TANC2: variants seen among roughly 807,000 people sequenced by gnomAD.
TANC2 encodes the protein protein TANC2.
TANC2 carries 26 observed loss-of-function variants against 210.5 expected under a neutral mutation model. The ratio of observed to expected loss-of-function variants is 0.12; its 90% CI spans 0.09 to 0.17. The LOEUF (loss-of-function observed/expected upper bound fraction) is 0.17. TANC2 is among the 10% of genes least tolerant of loss of function. TANC2 has a pLI of 1.00. For synonymous variants in TANC2, 931 were observed against 967.1 expected (o/e 0.96, Z 0.69); for missense variants, 2,129 against 2,608.9 (o/e 0.82, Z 4.01).
intron 9 of TANC2, among the ~76,000 whole-genome samples, chr17:63,272,400 A>G (rs1346078425): frequency 6.6e-6 from 1 of 151,944 alleles, no homozygotes; most frequent in African/African-American, 2.4e-5. Flanking sequence ...TGCTTCCAGC[A>G]TTGTTCTTTT....
chr17:63,247,821 G>A (rs1016382091), intron 8 of TANC2, among the ~76,000 whole-genome samples: 1 of 152,018 alleles, frequency 6.6e-6, no homozygotes, highest in Admixed American at 6.6e-5. Flanking sequence ...TGTCAGTGTT[G>A]AACATAATAC....
chr17:63,169,668 G>A (rs2040332352), intron 5 of TANC2, among the ~76,000 whole-genome samples: 1 of 152,064 alleles, frequency 6.6e-6, no homozygotes, highest in East Asian at 1.9e-4. Context: ...ACAAAAATTA[G>A]TTGGGTGTGG....
intron 8 of TANC2, among the ~76,000 whole-genome samples, chr17:63,242,991 C>T (rs2042816473): frequency 6.6e-6 from 1 of 152,124 alleles, no homozygotes; most frequent in East Asian, 1.9e-4. Flanking sequence ...TACAGGTGCC[C>T]TGTGGGAATT....
intron 9 of TANC2, among the ~76,000 whole-genome samples, chr17:63,283,928 AATAAAG>A (rs979797659): frequency 9.9e-5 from 15 of 152,056 alleles, no homozygotes; most frequent in African/African-American, 3.4e-4. Flanking sequence ...GTTGTCTGTA[AATAAAG>A]ATAATCTTAG....
intron 9 of TANC2, among the ~76,000 whole-genome samples, chr17:63,279,973 G>A (rs990341521): frequency 1.3e-5 from 2 of 152,032 alleles, no homozygotes; most frequent in Non-Finnish European, 2.9e-5. Context: ...AGTGGCAAAG[G>A]GATTCTGTGA....
intron 3 of TANC2, among the ~76,000 whole-genome samples, chr17:63,077,455 CAATA>C (rs2036611245): frequency 6.6e-6 from 1 of 151,990 alleles, no homozygotes; most frequent in African/African-American, 2.4e-5. Flanking sequence ...TTCAGAATGA[CAATA>C]AAAAGAAGGG....
chr17:63,404,432 A>C (rs2048437383), intron 19 of TANC2, among the ~76,000 whole-genome samples: 1 of 152,186 alleles, frequency 6.6e-6, no homozygotes, highest in South Asian at 2.1e-4. Flanking sequence ...GTGTCTCTTA[A>C]ACTCACTGTA....
intron 2 of TANC2, among the ~76,000 whole-genome samples, chr17:63,041,220 A>G (rs1421004135): frequency 1.3e-5 from 2 of 152,186 alleles, no homozygotes; most frequent in East Asian, 1.9e-4. Flanking sequence ...CATTTGTACT[A>G]TATTTCTTTG....
exon 28 of TANC2, chr17:63,425,821 T>C (rs2049129561): frequency 6.6e-6 from 1 of 152,276 alleles, no homozygotes; most frequent in African/African-American, 2.4e-5. Flanking sequence ...TCCCTTGCTC[T>C]GGTAGAGGGA....
intron 2 of TANC2, among the ~76,000 whole-genome samples, chr17:63,055,977 AAAAAAAAAAAAAAATATAT>A (rs1457069152): frequency 3.5e-5 from 1 of 28,370 alleles, no homozygotes; most frequent in African/African-American, 1.1e-4. Flanking sequence ...AAAAAAAAAA[AAAAAAAAAAAAAAATATAT>A]ATATATATAT....
At chr17:63,370,713 A>T (rs759260185) in intron 14 of TANC2, among the ~76,000 whole-genome samples, 1 of 152,238 alleles carries the variant, frequency 6.6e-6, no homozygotes, top group African/African-American at 2.4e-5. Flanking sequence ...ACGCAGGCCA[A>T]TGGGGGCTCT....
At chr17:63,333,968 A>T (rs932368287) in intron 11 of TANC2, 1 of 152,264 alleles carries the variant, frequency 6.6e-6, no homozygotes, top group African/African-American at 2.4e-5. Context: ...TTAATAGATT[A>T]TAGTGTAAAC....
chr17:63,033,753 T>G (rs1386041142), intron 2 of TANC2, among the ~76,000 whole-genome samples: 1 of 152,000 alleles, frequency 6.6e-6, no homozygotes, highest in Non-Finnish European at 1.5e-5. Flanking sequence ...AATGTGAAAT[T>G]TGAGGTGATG....
intron 2 of TANC2, among the ~76,000 whole-genome samples, chr17:63,055,986 AAAAAATATAT>A (rs1482098263): frequency 1.8e-4 from 2 of 11,202 alleles, no homozygotes; most frequent in South Asian, 0.01. Flanking sequence ...AAAAAAAAAA[AAAAAATATAT>A]ATATATATAT....
At chr17:62,977,222 T>A (rs770628055) in intron 1 of TANC2, among the ~76,000 whole-genome samples, 1 of 152,242 alleles carries the variant, frequency 6.6e-6, no homozygotes, top group Non-Finnish European at 1.5e-5. Context: ...CTTCAGTTAT[T>A]TCTGTAGCAC....
At chr17:63,335,051 C>T (rs2045979921) in intron 11 of TANC2, among the ~76,000 whole-genome samples, 1 of 152,068 alleles carries the variant, frequency 6.6e-6, no homozygotes, top group African/African-American at 2.4e-5. Context: ...AGGGATCTGC[C>T]CCCATGACCC....
chr17:63,039,118 A>G (rs1465938095), intron 2 of TANC2, among the ~76,000 whole-genome samples: 4 of 152,218 alleles, frequency 2.6e-5, no homozygotes, highest in Admixed American at 6.5e-5. Context: ...GCATTTATAC[A>G]TGATATGGTA....
chr17:63,270,588 T>C (rs1157261516), intron 9 of TANC2, among the ~76,000 whole-genome samples: 2 of 152,162 alleles, frequency 1.3e-5, no homozygotes, highest in Admixed American at 6.6e-5. Flanking sequence ...TTAGTCTGCA[T>C]TAAGGTATAT....
At chr17:63,284,587 T>G (rs1320072765) in intron 9 of TANC2, among the ~76,000 whole-genome samples, 1 of 152,072 alleles carries the variant, frequency 6.6e-6, no homozygotes, top group Non-Finnish European at 1.5e-5. Context: ...ATTCCAAGTG[T>G]AATTTCACTG....
Sources: allele counts gnomAD v4.1 joint callset (sites outside exome capture counted in the v4.1 genomes callset), GRCh38; gene constraint gnomAD v4.1.1; transcripts MANE v1.5; gene names NCBI Gene and HGNC (gene_info 2026-07-23, HGNC 2026-07-21).